The following TMTC1 variants were observed in gnomAD, a reference collection of about 807,000 sequenced individuals.
TMTC1 encodes protein O-mannosyl-transferase TMTC1.
TMTC1 carries 73 observed loss-of-function variants against 104.8 expected under a neutral mutation model. That is an observed-to-expected ratio of 0.70 (90% CI 0.58 to 0.85). The LOEUF (loss-of-function observed/expected upper bound fraction) is 0.85, where lower values mean the gene tolerates loss of function less well. Among genes scored for constraint, TMTC1 ranks in the 40% least tolerant of loss-of-function variants. The pLI is 0.00. For missense variants in TMTC1, 1,035 were observed against 1,096.1 expected, an observed-to-expected ratio of 0.94 and a Z score of 0.79; for synonymous variants, 434 against 428.7, an observed-to-expected ratio of 1.01 and a Z score of -0.15.
At chr12:29,623,916 C>T (rs1937826870) in intron 6 of TMTC1, among the ~76,000 whole-genome samples, 1 of 152,156 alleles carries the variant, frequency 6.6e-6, no homozygotes, top group Non-Finnish European at 1.5e-5. Context: ...CCTTTTCCTT[C>T]AGTCCCCACC....
chr12:29,664,103 C>T lies in TMTC1; in HGVS notation c.939-30767G>A, dbSNP rs7305146. The stretch of plus-strand genomic sequence containing the variant: ...TTGGGAGGCTGAGGAAGGAGAATGG[C>T]GTGAACCCGGGAGGCGGAGCTTGCA... On this transcript the variant is annotated intron_variant, in intron 5 of 17. Coordinates refer to ENST00000539277, the MANE Select transcript of TMTC1 (RefSeq NM_001193451.2). Among the ~76,000 whole-genome samples the T allele has an allele frequency of 4.1e-3, 616 of 149,886 alleles. 4 individuals are homozygous for T. Among genetic ancestry groups the T allele is most frequent in the Admixed American group, 9.5e-3 (143 of 15,100 alleles).
chr12:29,649,871 GCTAA>G (rs1939435579), intron 5 of TMTC1, among the ~76,000 whole-genome samples: 1 of 152,096 alleles, frequency 6.6e-6, no homozygotes. Context: ...TTCTAAGGAT[GCTAA>G]CTATAACCAA....
rs1555170708 is a variant in TMTC1, at chr12:29,570,886, C to CCG, written c.1532+1218_1532+1219insCG. On this transcript the variant is annotated intron_variant, in intron 9 of 17. Transcript: ENST00000539277. ...AAAACAAAAAAAACAGAAACACCCC[C>CCG]CCCCCCCGCCAAAACACACACACAA... Among the ~76,000 whole-genome samples, 3 of 98,404 alleles carry CCG rather than the reference C, an allele frequency of 3.0e-5. 1 individual carries two copies. The highest frequency in any genetic ancestry group is 7.1e-5 in the Non-Finnish European group (3 of 42,156). The allele number at this position is 98,404 out of a possible 152,430, so 64.6% of individuals were successfully genotyped here. A position where few individuals can be genotyped will look rare whatever the true frequency, so the allele number is the denominator to read the frequency against.
intron 2 of TMTC1, among the ~76,000 whole-genome samples, chr12:29,764,000 T>C (rs963481933): frequency 6.6e-5 from 10 of 152,214 alleles, no homozygotes; most frequent in African/African-American, 2.4e-4. Context: ...GGCTGAATTG[T>C]AGGATGCTGG....
intron 2 of TMTC1, among the ~76,000 whole-genome samples, chr12:29,759,673 C>T (rs1376611743): frequency 4.6e-5 from 7 of 152,086 alleles, no homozygotes; most frequent in African/African-American, 9.7e-5. Context: ...CATTTCCCCA[C>T]GAAAGAGAAC....
chr12:29,543,290 C>T (rs79334411), intron 10 of TMTC1, among the ~76,000 whole-genome samples: 7,977 of 152,198 alleles, frequency 0.052, 704 homozygotes, highest in African/African-American at 0.18. Context: ...AACAAGGTTT[C>T]GCCACATTTT....
intron 12 of TMTC1, among the ~76,000 whole-genome samples, 168 bp from the exon 13 acceptor site, chr12:29,518,775 C>T (rs1470590335): frequency 6.6e-6 from 1 of 152,122 alleles, no homozygotes; most frequent in African/African-American, 2.4e-5. Context: ...CTGGCCATTG[C>T]CTAACTTTGA....
In TMTC1 at chr12:29,572,136, C is replaced by T; in HGVS notation, c.1501G>A (p.Glu501Lys). The change falls in exon 9 of 18, where the codon GAA becomes AAA. Residue 501 changes from glutamate (E) to lysine (K), a missense_variant. Physicochemically the swap from Glu to Lys is moderately conservative, Grantham distance 56. Transcript: ENST00000539277. ...NFLKDQGRNK[E>K]AIYHYRTALK... Reference sequence around the variant, plus strand: ...GCTGTTCTGTAGTGGTAGATCGCTTCCTTGTTCCGACCTTGGTCCTTCAGG... The same window carrying T: ...GCTGTTCTGTAGTGGTAGATCGCTTTCTTGTTCCGACCTTGGTCCTTCAGG... The T allele has an allele frequency of 6.2e-7, 1 of 1,613,954 alleles. No individual in the cohort carries two copies. The highest frequency in any genetic ancestry group is 1.3e-5 in the African/African-American group (1 of 75,042).
At chr12:29,660,363 C>T (rs1939960204) in intron 5 of TMTC1, among the ~76,000 whole-genome samples, 1 of 152,162 alleles carries the variant, frequency 6.6e-6, no homozygotes, top group Non-Finnish European at 1.5e-5. Flanking sequence ...GTAACCTCAG[C>T]CCCAAATCAT....
rs185198093 is a variant in TMTC1, at chr12:29,511,279, A to G, written c.2508+764T>C. On this transcript the variant is annotated intron_variant, in intron 17 of 17. Coordinates refer to ENST00000539277, the MANE Select transcript of TMTC1 (RefSeq NM_001193451.2). The stretch of plus-strand genomic sequence containing the variant: ...AACTCCTCCTCCTCCTTGTATTAAT[A>G]TATCTCCTCCTCCTCCTCCTTGTAT... Among the ~76,000 whole-genome samples, 26 of 152,120 alleles carry G rather than the reference A, an allele frequency of 1.7e-4. 1 individual carries two copies. The highest frequency in any genetic ancestry group is 1.4e-3 in the Admixed American group (21 of 15,274).
chr12:29,549,476 T>C lies in TMTC1; in HGVS notation c.1676+7381A>G, dbSNP rs1945037683. ...GGAATAATTATAAGAGCACATAAAA[T>C]TGTCAAAACTCATTGCACTGAAGAC... On this transcript the variant is annotated intron_variant, in intron 10 of 17. Coordinates refer to ENST00000539277, the MANE Select transcript of TMTC1 (RefSeq NM_001193451.2). Among the ~76,000 whole-genome samples the C allele has an allele frequency of 2.0e-5, 3 of 152,182 alleles. No individual in the cohort carries two copies. The South Asian group carries it at 6.2e-4, about 32-fold the overall frequency.
intron 1 of TMTC1, among the ~76,000 whole-genome samples, chr12:29,775,233 ATG>A (rs756504255): frequency 6.6e-5 from 10 of 152,066 alleles, no homozygotes; most frequent in Non-Finnish European, 1.0e-4. Flanking sequence ...TTTTTTTTAA[ATG>A]TGTGTTTGGT....
intron 5 of TMTC1, among the ~76,000 whole-genome samples, chr12:29,640,338 AG>A (rs11358701): frequency 0.19 from 28,763 of 151,908 alleles, 4,611 homozygotes; most frequent in East Asian, 0.52. Flanking sequence ...CAGAGCAGCG[AG>A]GGGGGGCTCA....
chr12:29,510,609 C>G (rs1338272046), intron 17 of TMTC1, among the ~76,000 whole-genome samples: 1 of 152,106 alleles, frequency 6.6e-6, no homozygotes, highest in African/African-American at 2.4e-5. Context: ...ATCCCATTAA[C>G]CCCTCCCATT....
intron 8 of TMTC1, among the ~76,000 whole-genome samples, chr12:29,577,647 C>T (rs1375828838): frequency 6.6e-6 from 1 of 152,076 alleles, no homozygotes; most frequent in Non-Finnish European, 1.5e-5. Flanking sequence ...GTGGTCCAGT[C>T]ATAAGTGACA....
chr12:29,770,338 A>G (rs760206178), intron 1 of TMTC1, among the ~76,000 whole-genome samples: 2 of 152,186 alleles, frequency 1.3e-5, no homozygotes, highest in Non-Finnish European at 2.9e-5. Context: ...TATGTGTCAT[A>G]TCTGAAAATG....
chr12:29,647,237 C>G (rs1939307558), intron 5 of TMTC1, among the ~76,000 whole-genome samples: 1 of 152,064 alleles, frequency 6.6e-6, no homozygotes, highest in Non-Finnish European at 1.5e-5. Context: ...TCATGCTGGT[C>G]TCAAACTCCT....
At chr12:29,563,891 A>G (rs1945442173) in intron 9 of TMTC1, among the ~76,000 whole-genome samples, 1 of 152,200 alleles carries the variant, frequency 6.6e-6, no homozygotes, top group African/African-American at 2.4e-5. Context: ...GAGCAGACAG[A>G]GCAGTAAAGC....
rs996693477 is a variant in TMTC1, at chr12:29,707,250, G to A, written c.938+44416C>T. Reference sequence around the variant, plus strand: ...CTTCTGCCCCCACTACTACCATGTTGGTTCGCATGAAGTCCCTAAGTCATA... The same window carrying A: ...CTTCTGCCCCCACTACTACCATGTTAGTTCGCATGAAGTCCCTAAGTCATA... On this transcript the variant is annotated intron_variant, in intron 5 of 17. Coordinates refer to ENST00000539277, the MANE Select transcript of TMTC1 (RefSeq NM_001193451.2). Among the ~76,000 whole-genome samples, 4 of 152,102 alleles carry A rather than the reference G, an allele frequency of 2.6e-5. No homozygotes were observed. In the East Asian group the frequency reaches 7.7e-4, roughly 29 times the overall value.
Sources: allele counts gnomAD v4.1 joint callset (sites outside exome capture counted in the v4.1 genomes callset), GRCh38; gene constraint gnomAD v4.1.1; transcripts MANE v1.5; gene names NCBI Gene and HGNC (gene_info 2026-07-23, HGNC 2026-07-21).